NTM: variants seen among roughly 807,000 people sequenced by gnomAD.
The protein encoded by NTM is neurotrimin.
A neutral mutation model predicts 42.1 loss-of-function variants in NTM; 13 were observed. That is an observed-to-expected ratio of 0.31 (90% confidence interval 0.20 to 0.49). The LOEUF (loss-of-function observed/expected upper bound fraction) is 0.49, where lower values mean the gene tolerates loss of function less well. Among genes scored for constraint, NTM ranks in the 20% least tolerant of loss-of-function variants. NTM has a pLI of 0.99. For synonymous variants in NTM, 187 were observed against 179.2 expected (o/e 1.04, Z -0.35); for missense variants, 373 against 452.8 (o/e 0.82, Z 1.60).
intron 6 of NTM, among the ~76,000 whole-genome samples, chr11:132,313,231 C>G (rs541114236): frequency 4.6e-5 from 7 of 152,310 alleles, no homozygotes; most frequent in African/African-American, 1.7e-4. Flanking sequence ...CATAGAAATA[C>G]ATTATACTGA....
intron 1 of NTM, among the ~76,000 whole-genome samples, chr11:131,587,244 C>A (rs139649797): frequency 2.0e-5 from 3 of 152,084 alleles, no homozygotes; most frequent in Non-Finnish European, 2.9e-5. Context: ...GTCAGGAGAT[C>A]GAGACCATCC....
chr11:131,599,513 C>A (rs1264233000), intron 1 of NTM, among the ~76,000 whole-genome samples: 2 of 152,204 alleles, frequency 1.3e-5, no homozygotes, highest in Non-Finnish European at 2.9e-5. Flanking sequence ...ACCTTTTAGA[C>A]CCTGTTAACA....
At chr11:132,283,546 T>G (rs892483720) in intron 4 of NTM, among the ~76,000 whole-genome samples, 1 of 152,132 alleles carries the variant, frequency 6.6e-6, no homozygotes. Flanking sequence ...CAAAATGTGA[T>G]GCCTATTTAT....
intron 1 of NTM, among the ~76,000 whole-genome samples, chr11:131,719,329 T>C (rs1020219784): frequency 6.6e-6 from 1 of 152,208 alleles, no homozygotes; most frequent in East Asian, 1.9e-4. Flanking sequence ...TTCTTGAATA[T>C]ATAAGAAATT....
At chr11:132,136,625 C>G (rs551224831) in intron 2 of NTM, among the ~76,000 whole-genome samples, 1 of 152,168 alleles carries the variant, frequency 6.6e-6, no homozygotes, top group African/African-American at 2.4e-5. Flanking sequence ...CTGCCCAGTT[C>G]GCACACATGG....
At position 131,387,295 on chromosome 11, in the gene NTM, G is replaced by T. The variant is rs185463383; in HGVS notation, c.82+16407G>T. ...AAGTCATCTGCTTCCCTTTCTTGGAGCTCTCTCTCTCTCTCTCTCTCCCTC... is the reference window on the plus strand; with the variant it reads ...AAGTCATCTGCTTCCCTTTCTTGGATCTCTCTCTCTCTCTCTCTCTCCCTC... On this transcript the variant is annotated intron_variant, in intron 1 of 8. Transcript: ENST00000683400. 1.9e-4 allele frequency among the ~76,000 whole-genome samples: 29 copies of T among 148,894 alleles called. No individual in the cohort carries two copies. In the East Asian group the frequency reaches 5.5e-3, roughly 28 times the overall value.
chr11:131,953,529 A>G (rs895040146), intron 2 of NTM, among the ~76,000 whole-genome samples: 1 of 152,200 alleles, frequency 6.6e-6, no homozygotes, highest in Non-Finnish European at 1.5e-5. Flanking sequence ...ATATTTGGGA[A>G]AAAATAGACA....
chr11:131,976,143 C>CCTTCCTTT (rs2064333053), intron 2 of NTM, among the ~76,000 whole-genome samples: 1 of 141,820 alleles, frequency 7.1e-6, no homozygotes, highest in Admixed American at 7.0e-5. Flanking sequence ...TTCCTTCCTT[C>CCTTCCTTT]CTTCCTTCCT....
At chr11:131,820,181 G>A (rs1018193636) in intron 1 of NTM, among the ~76,000 whole-genome samples, 5 of 152,156 alleles carry the variant, frequency 3.3e-5, no homozygotes, top group African/African-American at 9.7e-5. Flanking sequence ...AGATTAACAA[G>A]GGCCCCTCCT....
chr11:131,998,451 C>T (rs1313610569), intron 2 of NTM, among the ~76,000 whole-genome samples: 3 of 152,200 alleles, frequency 2.0e-5, no homozygotes, highest in Non-Finnish European at 2.9e-5. Flanking sequence ...TGGGGCCACC[C>T]TGGCCAGCCC....
intron 1 of NTM, among the ~76,000 whole-genome samples, chr11:131,844,815 A>AT: frequency 6.6e-6 from 1 of 152,316 alleles, no homozygotes. Context: ...TTCATCTTAT[A>AT]TTCAGCAACT....
At chr11:131,465,550 T>TCTTTCACCCCAGGCCCTGAGGC (rs1951803016) in intron 1 of NTM, among the ~76,000 whole-genome samples, 1 of 152,078 alleles carries the variant, frequency 6.6e-6, no homozygotes, top group Admixed American at 6.5e-5. Flanking sequence ...ATACCTGGGG[T>TCTTTCACCCCAGGCCCTGAGGC]CTTTCACCCC....
At chr11:131,822,579 G>A (rs2093236048) in intron 1 of NTM, among the ~76,000 whole-genome samples, 2 of 152,164 alleles carry the variant, frequency 1.3e-5, no homozygotes, top group African/African-American at 4.8e-5. Flanking sequence ...CATAACAGCT[G>A]CTTTCAGTGT....
intron 1 of NTM, among the ~76,000 whole-genome samples, chr11:131,728,679 C>A (rs185344089): frequency 2.0e-5 from 3 of 152,150 alleles, no homozygotes; most frequent in Non-Finnish European, 1.5e-5. Flanking sequence ...TTTTCAAATT[C>A]GAAAAATTGC....
chr11:132,255,669 C>T lies in NTM; in HGVS notation c.526+43522C>T, dbSNP rs544991943. Among the ~76,000 whole-genome samples, 77 of 152,314 alleles carry T rather than the reference C, an allele frequency of 5.1e-4. 1 individual carries two copies. Among genetic ancestry groups the T allele is most frequent in the African/African-American group, 1.7e-3 (70 of 41,568 alleles). On this transcript the variant is annotated intron_variant, in intron 4 of 8. Coordinates refer to ENST00000683400, the MANE Select transcript of NTM (RefSeq NM_001352005.2). ...CCAGCAAATAGACTCAGTCCTAATGCGGCTGCCCTCATCTGCTGAACCACC... is the reference window on the plus strand; with the variant it reads ...CCAGCAAATAGACTCAGTCCTAATGTGGCTGCCCTCATCTGCTGAACCACC...
intron 1 of NTM, among the ~76,000 whole-genome samples, chr11:131,596,324 G>A (rs2512887): frequency 0.8 from 121,430 of 152,198 alleles, 48,519 homozygotes; most frequent in African/African-American, 0.84. Context: ...AGTAAAGAGT[G>A]AGACAGTGAA....
At chr11:131,634,340 A>G (rs1465114743) in intron 1 of NTM, among the ~76,000 whole-genome samples, 1 of 152,166 alleles carries the variant, frequency 6.6e-6, no homozygotes, top group East Asian at 1.9e-4. Flanking sequence ...ATAATTGAAA[A>G]TAAATTCTAA....
chr11:131,747,277 C>T (rs537827711), intron 1 of NTM, among the ~76,000 whole-genome samples: 6 of 152,306 alleles, frequency 3.9e-5, no homozygotes, highest in East Asian at 1.9e-4. Flanking sequence ...GAATAACCCA[C>T]GAGCACCCAA....
At chr11:131,904,851 C>A (rs1189339058) in intron 1 of NTM, among the ~76,000 whole-genome samples, 1 of 152,130 alleles carries the variant, frequency 6.6e-6, no homozygotes, top group African/African-American at 2.4e-5. Flanking sequence ...GGGGTGGGAG[C>A]TGGGGGGCCA....
Sources: gnomAD v4.1 joint callset for allele counts (sites outside exome capture counted in the v4.1 genomes callset) on GRCh38, gnomAD v4.1.1 for gene constraint, MANE v1.5 for transcripts, NCBI Gene and HGNC (gene_info 2026-07-23, HGNC 2026-07-21) for gene names.